Variants in PCDH15 observed in about 807,000 individuals in gnomAD.
PCDH15 encodes the protein protocadherin related 15, also known as protocadherin-15.
A neutral mutation model predicts 178.5 loss-of-function variants in PCDH15; 129 were observed. The observed-to-expected ratio is 0.72, with a 90% CI of 0.63 to 0.84. The LOEUF (loss-of-function observed/expected upper bound fraction) is 0.84, where lower values mean the gene tolerates loss of function less well. PCDH15 is among the 40% of genes least tolerant of loss of function. The probability of loss-of-function intolerance (pLI) is 0.00; values close to 1 mark genes in which losing one functional copy is unlikely to be tolerated. For missense variants in PCDH15, 2,230 were observed against 2,099.9 expected (o/e 1.06, Z -1.21); for synonymous variants, 800 against 732.0 (o/e 1.09, Z -1.50).
rs1168940194 is a variant in PCDH15, at chr10:55,384,080, A to T, written c.-155-217429T>A. Among the ~76,000 whole-genome samples, 4 of 152,200 alleles carry T rather than the reference A, an allele frequency of 2.6e-5. No homozygotes were observed. The South Asian group carries it at 8.3e-4, about 31-fold the overall frequency. The stretch of plus-strand genomic sequence containing the variant: ...GTAATAAAACATTAAATAATGATGC[A>T]TTGACTTGTTTACATTCCCAGGGAA... On this transcript the variant is annotated intron_variant, in intron 2 of 5. Transcript: ENST00000613346.
chr10:54,568,256 AC>A (rs1294272500), intron 2 of PCDH15, among the ~76,000 whole-genome samples: 2 of 151,902 alleles, frequency 1.3e-5, no homozygotes, highest in East Asian at 3.9e-4. Context: ...CCTACATGGC[AC>A]AAGGCCTCCT....
intron 2 of PCDH15, among the ~76,000 whole-genome samples, chr10:55,397,367 C>G (rs984485135): frequency 6.6e-6 from 1 of 152,042 alleles, no homozygotes; most frequent in Non-Finnish European, 1.5e-5. Flanking sequence ...TCATTATTCT[C>G]TTTTTTCAAA....
At chr10:53,822,793 G>T (rs61862392) in intron 32 of PCDH15, 2 of 1,614,118 alleles carry the variant, frequency 1.2e-6, no homozygotes, top group Non-Finnish European at 8.5e-7. Flanking sequence ...TCTATCATCA[G>T]TGTTTCACCT....
chr10:53,903,830 T>C (rs1214798438), intron 25 of PCDH15, among the ~76,000 whole-genome samples: 1 of 152,198 alleles, frequency 6.6e-6, no homozygotes, highest in Admixed American at 6.5e-5. Flanking sequence ...CTTAAAATTG[T>C]ACAATAACTT....
At chr10:55,041,278 T>C (rs1840857645) in intron 2 of PCDH15, among the ~76,000 whole-genome samples, 1 of 152,082 alleles carries the variant, frequency 6.6e-6, no homozygotes, top group Non-Finnish European at 1.5e-5. Context: ...AAAATCTAGC[T>C]AAATTACTTA....
chr10:54,563,466 T>C (rs1210803477), intron 2 of PCDH15, among the ~76,000 whole-genome samples: 7 of 152,174 alleles, frequency 4.6e-5, no homozygotes, highest in Non-Finnish European at 1.0e-4. Flanking sequence ...AGTACCGTGT[T>C]AACTTTTTCA....
chr10:54,823,245 G>C (rs530418916), intron 3 of PCDH15, among the ~76,000 whole-genome samples: 1 of 151,144 alleles, frequency 6.6e-6, no homozygotes, highest in African/African-American at 2.4e-5. Flanking sequence ...ACACGCACAC[G>C]CATATACATT....
chr10:54,918,004 TC>T lies in PCDH15; in HGVS notation c.-79-20505del, dbSNP rs1449971881. Among the ~76,000 whole-genome samples the T allele has an allele frequency of 5.8e-4, 5 of 8,648 alleles. No individual in the cohort carries two copies. In the East Asian group the frequency reaches 0.017, roughly 29 times the overall value. 5.7% of individuals were successfully genotyped at this position (8,648 alleles called of 152,430 possible). A position where few individuals can be genotyped will look rare whatever the true frequency, so the allele number is the denominator to read the frequency against. The stretch of plus-strand genomic sequence containing the variant: ...TCTCTCACTTACGATAGTGATTTTC[TC>T]CCTGATTTTATTCAAAGCTTTTCTC... On this transcript the variant is annotated intron_variant, in intron 2 of 5. Coordinates refer to the PCDH15 transcript ENST00000458638.
intron 34 of PCDH15, among the ~76,000 whole-genome samples, chr10:53,817,215 G>A (rs551054188): frequency 3.3e-5 from 5 of 152,192 alleles, no homozygotes; most frequent in East Asian, 1.9e-4. Flanking sequence ...CAATTAGGTC[G>A]TATACTTCTC....
At chr10:54,290,347 A>G (rs559150675) in intron 8 of PCDH15, among the ~76,000 whole-genome samples, 2 of 152,328 alleles carry the variant, frequency 1.3e-5, no homozygotes, top group East Asian at 3.9e-4. Context: ...GCAAATGCTG[A>G]GATATTTTGT....
At chr10:54,376,735 A>T (rs925431713) in intron 4 of PCDH15, among the ~76,000 whole-genome samples, 4 of 151,944 alleles carry the variant, frequency 2.6e-5, no homozygotes, top group African/African-American at 9.7e-5. Flanking sequence ...CAGACATTAC[A>T]ATTATTTAGC....
intron 11 of PCDH15, among the ~76,000 whole-genome samples, chr10:54,187,982 A>C (rs2133841959): frequency 6.6e-6 from 1 of 151,910 alleles, no homozygotes; most frequent in East Asian, 1.9e-4. Flanking sequence ...ATATCATTTT[A>C]TGAGTTTTAT....
chr10:54,272,959 G>A (rs528788668), intron 8 of PCDH15, among the ~76,000 whole-genome samples: 4 of 152,214 alleles, frequency 2.6e-5, no homozygotes, highest in South Asian at 2.1e-4. Context: ...CTAGTGAATT[G>A]ATTATCAGAG....
intron 26 of PCDH15, among the ~76,000 whole-genome samples, chr10:53,898,498 A>G (rs2082118236): frequency 6.6e-6 from 1 of 152,192 alleles, no homozygotes. Flanking sequence ...ACTAACGGAA[A>G]TCAACTTCGT....
chr10:54,513,644 T>C (rs2081931098), intron 3 of PCDH15, among the ~76,000 whole-genome samples: 1 of 152,216 alleles, frequency 6.6e-6, no homozygotes, highest in Admixed American at 6.5e-5. Flanking sequence ...AGGTGAATTT[T>C]GATTAAAGAT....
intron 15 of PCDH15, among the ~76,000 whole-genome samples, chr10:54,101,352 C>T (rs1036112116): frequency 1.1e-4 from 17 of 152,120 alleles, no homozygotes; most frequent in African/African-American, 4.1e-4. Flanking sequence ...CATTGGTCAA[C>T]TATATTGGCA....
intron 25 of PCDH15, among the ~76,000 whole-genome samples, chr10:53,938,196 C>T (rs148189145): frequency 1.7e-3 from 259 of 152,012 alleles, no homozygotes; most frequent in African/African-American, 5.9e-3. Flanking sequence ...TGTTGAAGTT[C>T]GGAGTCACAG....
At chr10:53,817,495 C>A (rs1267696778) in intron 34 of PCDH15, among the ~76,000 whole-genome samples, 3 of 136,886 alleles carry the variant, frequency 2.2e-5, no homozygotes, top group Admixed American at 7.2e-5. Flanking sequence ...TATATATATT[C>A]TTTGTTTTTT....
chr10:54,060,051 A>C (rs1314389425), intron 18 of PCDH15, among the ~76,000 whole-genome samples: 2 of 152,238 alleles, frequency 1.3e-5, no homozygotes, highest in African/African-American at 4.8e-5. Flanking sequence ...CATGAGCTCT[A>C]TTTTGATAAT....
Sources: gnomAD v4.1 joint callset for allele counts (sites outside exome capture counted in the v4.1 genomes callset) on GRCh38, gnomAD v4.1.1 for gene constraint, MANE v1.5 for transcripts, NCBI Gene and HGNC (gene_info 2026-07-23, HGNC 2026-07-21) for gene names.